LOC112694756: variants seen among roughly 807,000 people sequenced by gnomAD.
the LOC112694756 span, chr16:30,070,058 G>A: frequency 1.2e-5 from 20 of 1,613,532 alleles, no homozygotes; most frequent in Non-Finnish European, 1.7e-5. Context: ...TGGGCAGGGT[G>A]CCTGGGTGGA....
the LOC112694756 span, among the ~76,000 whole-genome samples, chr16:30,066,398 T>C: frequency 2.6e-5 from 4 of 152,230 alleles, no homozygotes; most frequent in Admixed American, 6.5e-5. Flanking sequence ...TCGGGCGACC[T>C]TGATTCTGAG....
chr16:30,064,200 G>A, the LOC112694756 span: 7 of 397,814 alleles, frequency 1.8e-5, no homozygotes, highest in Non-Finnish European at 2.7e-5. Context: ...CGGGTACGCA[G>A]GGGTGCCTCA....
the LOC112694756 span, among the ~76,000 whole-genome samples, chr16:30,061,844 G>A: frequency 5.4e-4 from 82 of 151,730 alleles, 1 homozygote; most frequent in African/African-American, 1.9e-3. Context: ...ACAGGCATGA[G>A]CCACCATGTC....
chr16:30,070,009 G>A, the LOC112694756 span: 59 of 1,613,728 alleles, frequency 3.7e-5, no homozygotes, highest in Non-Finnish European at 4.9e-5. Context: ...TGCGCAGGAG[G>A]AGTATGTCAA....
At chr16:30,065,313 C>G in the LOC112694756 span, among the ~76,000 whole-genome samples, 2 of 152,196 alleles carry the variant, frequency 1.3e-5, no homozygotes, top group Admixed American at 6.5e-5. Flanking sequence ...GCGATGTGGC[C>G]CCTATGGTGA....
the LOC112694756 span, chr16:30,070,177 A>G: frequency 1.9e-6 from 3 of 1,614,134 alleles, no homozygotes; most frequent in Admixed American, 3.3e-5. Context: ...GGCTGCTGCC[A>G]GCGAGTCCCT....
At chr16:30,063,621 T>A in the LOC112694756 span, 1 of 398,156 alleles carries the variant, frequency 2.5e-6, no homozygotes, top group Non-Finnish European at 4.4e-6. Context: ...TACCCTCTGT[T>A]CCACTGGGCA....
At chr16:30,069,229 G>C in the LOC112694756 span, 1 of 1,523,600 alleles carries the variant, frequency 6.6e-7, no homozygotes, top group Admixed American at 1.7e-5. Context: ...ATACGGTCTT[G>C]ACCAGTGGCT....
At chr16:30,067,376 G>C in the LOC112694756 span, 1 of 1,614,124 alleles carries the variant, frequency 6.2e-7, no homozygotes, top group Non-Finnish European at 8.5e-7. Flanking sequence ...GGTGCGGGCA[G>C]GAGACAGAAT....
At chr16:30,066,800 G>T in the LOC112694756 span, 1 of 1,434,452 alleles carries the variant, frequency 7.0e-7, no homozygotes, top group Non-Finnish European at 9.4e-7. Flanking sequence ...CCCATATCTG[G>T]GCCCTTTCCC....
chr16:30,058,730 C>T, the LOC112694756 span, among the ~76,000 whole-genome samples: 1 of 151,944 alleles, frequency 6.6e-6, no homozygotes, highest in Non-Finnish European at 1.5e-5. Context: ...GATCCGCCCG[C>T]CTTGGCCTCC....
At chr16:30,070,214 CG>C in the LOC112694756 span, 1 of 1,614,074 alleles carries the variant, frequency 6.2e-7, no homozygotes. Context: ...GCCTATTAAG[CG>C]GAGGTGTTCC....
chr16:30,064,363 CCAGGGAGGGTGG>C, the LOC112694756 span: 3 of 398,790 alleles, frequency 7.5e-6, no homozygotes, highest in East Asian at 1.1e-4. Flanking sequence ...AGAGAAGGAG[CCAGGGAGGGTGG>C]CAGGGAGGCC....
chr16:30,065,449 C>T, the LOC112694756 span, among the ~76,000 whole-genome samples: 3 of 152,234 alleles, frequency 2.0e-5, no homozygotes, highest in Admixed American at 2.0e-4. Context: ...TTCCCCGTTC[C>T]GCCCTCCCCC....
the LOC112694756 span, chr16:30,064,220 C>A: frequency 2.5e-6 from 1 of 397,844 alleles, no homozygotes; most frequent in East Asian, 3.6e-5. Context: ...AACCACACTC[C>A]GTCCACGGAC....
At chr16:30,067,872 C>A in the LOC112694756 span, 1 of 642,264 alleles carries the variant, frequency 1.6e-6, no homozygotes, top group Non-Finnish European at 2.7e-6. Flanking sequence ...CTCAGAAGCT[C>A]AGGGAAGTGA....
the LOC112694756 span, among the ~76,000 whole-genome samples, chr16:30,057,806 C>T: frequency 6.6e-6 from 1 of 152,020 alleles, no homozygotes; most frequent in Non-Finnish European, 1.5e-5. Flanking sequence ...TGGCACTCGC[C>T]TGTAATCCCA....
the LOC112694756 span, among the ~76,000 whole-genome samples, chr16:30,061,043 C>CA: frequency 6.6e-6 from 1 of 152,246 alleles, no homozygotes; most frequent in Non-Finnish European, 1.5e-5. Context: ...CTGTGACTGT[C>CA]ACTACCTCTG....
the LOC112694756 span, chr16:30,070,162 G>A: frequency 1.2e-6 from 2 of 1,614,124 alleles, no homozygotes; most frequent in Non-Finnish European, 1.7e-6. Context: ...GAGCGGTCAG[G>A]CTGGGGCTGC....
Sources: gnomAD v4.1 joint callset for allele counts (sites outside exome capture counted in the v4.1 genomes callset) on GRCh38, gnomAD v4.1.1 for gene constraint, MANE v1.5 for transcripts.